Variants in F13A1 observed in about 807,000 individuals in gnomAD.
F13A1 encodes FSF, A subunit.
In F13A1, 47 loss-of-function variants were observed where a neutral mutation model predicts 80.1. The observed-to-expected ratio is 0.59, with a 90% confidence interval of 0.46 to 0.75. The LOEUF (loss-of-function observed/expected upper bound fraction) is 0.75. Among genes scored for constraint, F13A1 ranks in the 30% least tolerant of loss-of-function variants. The pLI, the probability that F13A1 is intolerant of heterozygous loss-of-function variation, is 0.00. For synonymous variants in F13A1, 349 were observed against 344.9 expected (o/e 1.01, Z -0.13); for missense variants, 817 against 930.4 (o/e 0.88, Z 1.59).
intron 8 of F13A1, among the ~76,000 whole-genome samples, chr6:6,220,567 C>CTG (rs4053227): frequency 0.18 from 26,781 of 149,662 alleles, 2,447 homozygotes; most frequent in Non-Finnish European, 0.21. Context: ...GTGTGTCTGT[C>CTG]TGTGTGTGTG....
At chr6:6,304,221 GT>G (rs111534580) in intron 3 of F13A1, among the ~76,000 whole-genome samples, 2 of 151,432 alleles carry the variant, frequency 1.3e-5, no homozygotes, top group Non-Finnish European at 2.9e-5. Context: ...TCATTGAGGT[GT>G]TTTTTTTCTA....
chr6:6,282,569 C>T (rs915627626), intron 3 of F13A1, among the ~76,000 whole-genome samples: 5 of 152,210 alleles, frequency 3.3e-5, no homozygotes, highest in Admixed American at 2.6e-4. Flanking sequence ...GTAACCCCAA[C>T]AGTCACCTCT....
intron 13 of F13A1, among the ~76,000 whole-genome samples, chr6:6,161,095 T>A (rs1290985740): frequency 1.3e-5 from 2 of 152,168 alleles, no homozygotes; most frequent in South Asian, 4.2e-4. Context: ...TGAGTAGAGA[T>A]CATTGGAGGA....
At chr6:6,237,035 G>A (rs1757422723) in intron 6 of F13A1, among the ~76,000 whole-genome samples, 1 of 152,226 alleles carries the variant, frequency 6.6e-6, no homozygotes, top group East Asian at 1.9e-4. Context: ...GGTGTTGTGG[G>A]GTGGGGCAGG....
chr6:6,242,524 CG>C (rs1244713345), intron 6 of F13A1, among the ~76,000 whole-genome samples: 2 of 152,098 alleles, frequency 1.3e-5, no homozygotes, highest in Non-Finnish European at 1.5e-5. Flanking sequence ...ACTATATTGA[CG>C]TTTTTTTCTC....
At chr6:6,222,245 G>A in intron 7 of F13A1, 74 bp from the exon 8 acceptor site, 1 of 1,587,924 alleles carries the variant, frequency 6.3e-7, no homozygotes, top group Non-Finnish European at 8.6e-7. Flanking sequence ...AACCCTTCTT[G>A]TAGGGGACTT....
intron 4 of F13A1, among the ~76,000 whole-genome samples, chr6:6,260,507 C>T (rs1041080853): frequency 3.3e-5 from 5 of 152,180 alleles, no homozygotes; most frequent in East Asian, 1.9e-4. Flanking sequence ...CAGGCCATAG[C>T]GCTGAATCCT....
At chr6:6,304,996 T>C (rs1256989666) in intron 3 of F13A1, 2 of 371,916 alleles carry the variant, frequency 5.4e-6, no homozygotes, top group Admixed American at 7.6e-5. Flanking sequence ...TTGGATTGCA[T>C]GCTAAGATTT....
At chr6:6,257,510 T>C (rs1757718762) in intron 4 of F13A1, among the ~76,000 whole-genome samples, 1 of 152,216 alleles carries the variant, frequency 6.6e-6, no homozygotes, top group Admixed American at 6.5e-5. Flanking sequence ...TTTGCTTCTT[T>C]CCTTTTAGCC....
chr6:6,217,729 C>G (rs1757123302), intron 8 of F13A1, among the ~76,000 whole-genome samples: 1 of 152,004 alleles, frequency 6.6e-6, no homozygotes, highest in Non-Finnish European at 1.5e-5. Context: ...AGAACAATCT[C>G]AATTTCAAAA....
intron 1 of F13A1, among the ~76,000 whole-genome samples, chr6:6,319,654 C>CA (rs911893358): frequency 1.4e-4 from 22 of 152,246 alleles, no homozygotes; most frequent in Admixed American, 1.2e-3. Flanking sequence ...TGGCTATTTT[C>CA]AAAAACCAGG....
intron 13 of F13A1, among the ~76,000 whole-genome samples, chr6:6,158,897 TTTTC>T (rs1302095667): frequency 8.0e-6 from 1 of 124,524 alleles, no homozygotes; most frequent in Admixed American, 8.0e-5. Context: ...TTTCCCCTTT[TTTTC>T]TTTCTTTTTT....
chr6:6,168,005 G>GCCC (rs1280493632), intron 12 of F13A1, among the ~76,000 whole-genome samples: 1 of 152,152 alleles, frequency 6.6e-6, no homozygotes, highest in Non-Finnish European at 1.5e-5. Context: ...GAAGTCCAAG[G>GCCC]CCCCCATTCC....
chr6:6,190,418 CTGTT>C (rs1391223144), intron 10 of F13A1, among the ~76,000 whole-genome samples: 2 of 151,336 alleles, frequency 1.3e-5, no homozygotes, highest in South Asian at 2.1e-4. Context: ...GATGTCCTTT[CTGTT>C]TGTTAGTTTT....
intron 6 of F13A1, among the ~76,000 whole-genome samples, chr6:6,228,947 G>A (rs968442596): frequency 1.3e-5 from 2 of 152,114 alleles, no homozygotes; most frequent in Non-Finnish European, 2.9e-5. Flanking sequence ...GACAGATGTA[G>A]GAGAATCTTA....
chr6:6,299,143 TG>T (rs1355885185), intron 3 of F13A1, among the ~76,000 whole-genome samples: 1 of 142,298 alleles, frequency 7.0e-6, no homozygotes, highest in Non-Finnish European at 1.5e-5. Context: ...GGCTTCCCTT[TG>T]AGGGTAACCC....
chr6:6,218,814 GA>G (rs1224033094), intron 8 of F13A1, among the ~76,000 whole-genome samples: 1 of 152,212 alleles, frequency 6.6e-6, no homozygotes, highest in Non-Finnish European at 1.5e-5. Flanking sequence ...GCAAGAGACA[GA>G]GCCAAACTTG....
chr6:6,176,786 T>C (rs904285305), intron 11 of F13A1, among the ~76,000 whole-genome samples: 12 of 152,130 alleles, frequency 7.9e-5, no homozygotes, highest in African/African-American at 2.7e-4. Flanking sequence ...TGAGGCAAAA[T>C]GCAGGAGGGA....
At chr6:6,281,660 T>C (rs2113143574) in intron 3 of F13A1, among the ~76,000 whole-genome samples, 1 of 152,288 alleles carries the variant, frequency 6.6e-6, no homozygotes, top group East Asian at 1.9e-4. Flanking sequence ...TGTTGGCACA[T>C]TGTGAAGACT....
Sources: gnomAD v4.1 joint callset for allele counts (sites outside exome capture counted in the v4.1 genomes callset) on GRCh38, gnomAD v4.1.1 for gene constraint, MANE v1.5 for transcripts, NCBI Gene and HGNC (gene_info 2026-07-23, HGNC 2026-07-21) for gene names.